The following QTRT1 variants were observed in gnomAD, a reference collection of about 807,000 sequenced individuals.
QTRT1 encodes the protein queuine tRNA-ribosyltransferase catalytic subunit 1, also known as TGT, 43-KD subunit.
Under a neutral mutation model 44.0 loss-of-function variants are expected in QTRT1, and 41 were observed. The observed-to-expected ratio is 0.93, with a 90% confidence interval of 0.73 to 1.21. The LOEUF (loss-of-function observed/expected upper bound fraction) is 1.21, where lower values mean the gene tolerates loss of function less well. Ranked by LOEUF, QTRT1 falls within the 50% of genes most tolerant of loss-of-function variation. QTRT1 has a pLI of 0.00. For missense variants in QTRT1, 542 were observed against 575.8 expected, an observed-to-expected ratio of 0.94 and a Z score of 0.60; for synonymous variants, 226 against 237.1, an observed-to-expected ratio of 0.95 and a Z score of 0.43.
chr19:10,713,352 T>C lies in QTRT1; in HGVS notation c.*82T>C. The C allele has an allele frequency of 6.6e-7, 1 of 1,516,006 alleles. No homozygotes were observed. 93.9% of individuals were successfully genotyped at this position (1,516,006 alleles called of 1,614,324 possible). On this transcript the variant is annotated 3_prime_UTR_variant, in exon 10 of 10. Coordinates refer to ENST00000250237, the MANE Select transcript of QTRT1 (RefSeq NM_031209.3). The surrounding 1 kb of genome is among the most constrained non-coding windows in gnomAD (Gnocchi z 4.3). ...AAGGATTCCTTTTTGAAAGGTTTTT[T>C]TTATTGTAACTTACAGAGTGTGTCT...
chr19:10,707,904 G>T (rs1359078444), intron 5 of QTRT1, among the ~76,000 whole-genome samples: 1 of 151,106 alleles, frequency 6.6e-6, no homozygotes, highest in Non-Finnish European at 1.5e-5. Context: ...TGGGATTATA[G>T]TCATGAGCCA....
chr19:10,710,559 C>G (rs2068734199), intron 5 of QTRT1, among the ~76,000 whole-genome samples: 1 of 152,116 alleles, frequency 6.6e-6, no homozygotes, highest in African/African-American at 2.4e-5. Context: ...TCGTGATCCA[C>G]CTGCCTTGGC....
intron 3 of QTRT1, among the ~76,000 whole-genome samples, chr19:10,705,009 G>T (rs141607973): frequency 1.9e-4 from 29 of 151,032 alleles, no homozygotes; most frequent in African/African-American, 7.1e-4. Context: ...TCTGCTGCCC[G>T]GGTTTAAGCT....
intron 3 of QTRT1, among the ~76,000 whole-genome samples, chr19:10,705,345 TCTC>T (rs1238001871): frequency 1.3e-5 from 2 of 151,928 alleles, no homozygotes; most frequent in Non-Finnish European, 2.9e-5. Flanking sequence ...TTCAAGCACT[TCTC>T]CTGCTGCAGC....
chr19:10,707,413 G>A (rs1225286972), intron 4 of QTRT1, 33 bp downstream of exon 4: 1 of 1,612,118 alleles, frequency 6.2e-7, no homozygotes, highest in African/African-American at 1.3e-5. Flanking sequence ...TGTGGGATAT[G>A]TGGTGGGAGG....
chr19:10,711,701 A>G (rs2068739625), intron 5 of QTRT1: 1 of 184,738 alleles, frequency 5.4e-6, no homozygotes, highest in Non-Finnish European at 1.2e-5. Context: ...ACTTCAAGTG[A>G]TCTGCTTGCC....
chr19:10,703,774 C>T (rs1179268192), intron 3 of QTRT1, among the ~76,000 whole-genome samples: 1 of 151,872 alleles, frequency 6.6e-6, no homozygotes, highest in Non-Finnish European at 1.5e-5. Context: ...CCATCTTGGT[C>T]CCCCAAAGTG....
chr19:10,701,667 CT>C lies in QTRT1; in HGVS notation c.208del (p.Cys70AlafsTer10), dbSNP rs1340478715. On this transcript the variant is annotated frameshift_variant, in exon 1 of 10. Transcript: ENST00000250237. LOFTEE classifies it high-confidence loss of function. ...EQLDALGCRI[C>X]LGNTYHLGLR... ...AGCTGGACGCTCTGGGTTGCCGCAT[CT>C]GCCTGGGCAATACCTACCATCTGGG... 1 of 1,589,802 alleles carries C rather than the reference CT, an allele frequency of 6.3e-7. No individual in the cohort carries two copies. The highest frequency in any genetic ancestry group is 1.3e-5 in the African/African-American group (1 of 74,396).
rs1034444014 is a variant in QTRT1, at chr19:10,712,699, GGGGTGGGGAGAATGAAGCCCT to G, written c.862-53_862-33del. ...ACTAGGGAGGCAAGGTTAGGGGTGG[GGGGTGGGGAGAATGAAGCCCT>G]GGGTGACGCCCCTTTCCCTGCCCTT... is the stretch of plus-strand genomic sequence containing the variant. On this transcript the variant is annotated intron_variant, in intron 7 of 9. Transcript: ENST00000250237. The surrounding 1 kb of genome is among the most constrained non-coding windows in gnomAD (Gnocchi z 5.6). 1.1e-4 allele frequency: 72 copies of G among 645,108 alleles called. No individual in the cohort carries two copies. Among genetic ancestry groups the G allele is most frequent in the African/African-American group, 9.0e-4 (46 of 50,896 alleles). The allele number at this position is 645,108 out of a possible 1,614,324, so 40.0% of individuals were successfully genotyped here.
chr19:10,706,948 G>A, intron 3 of QTRT1: 1 of 271,334 alleles, frequency 3.7e-6, no homozygotes, highest in Non-Finnish European at 7.2e-6. Context: ...GTCCCCAAGT[G>A]CTGGGATTAC....
At chr19:10,706,364 T>C (rs1276325252) in intron 3 of QTRT1, among the ~76,000 whole-genome samples, 1 of 152,024 alleles carries the variant, frequency 6.6e-6, no homozygotes, top group East Asian at 1.9e-4. Flanking sequence ...CTCATGCCTA[T>C]AATCTTAGCA....
rs1195403207 is a variant in QTRT1 at position 10,702,186 on chromosome 19, G to C, written c.383G>C (p.Arg128Pro). 6.2e-7 allele frequency: 1 copy of C among 1,614,102 alleles called. No homozygotes were observed. Among genetic ancestry groups the C allele is most frequent in the African/African-American group, 1.3e-5 (1 of 75,026 alleles). ...SEVTEEGVRF[R>P]SPYDGNETLL... The stretch of plus-strand genomic sequence containing the variant: ...GTGACGGAGGAGGGCGTCCGCTTCC[G>C]CTCCCCCTACGACGGCAATGAGACC... The change falls in exon 3 of 10, where the codon CGC (arginine) becomes CCC (proline). Residue 128 changes from arginine (R) to proline (P), a missense_variant. Physicochemically the swap from Arg to Pro is moderately radical, Grantham distance 103. Transcript: ENST00000250237.
In QTRT1 at chr19:10,712,165, G is replaced by A. The variant is rs373758980; in HGVS notation, c.651G>A (p.Met217Ile). The change falls in exon 6 of 10, where the codon ATG becomes ATA. Residue 217 changes from methionine to isoleucine, a missense_variant. Physicochemically the swap from Met to Ile is conservative, Grantham distance 10. Transcript: ENST00000250237. This position sits in a 1 kb window ranked among gnomAD's most constrained non-coding sequence, Gnocchi z 5.6. ...CACCTTACCCTGTACCCTCAGAGATGACCAAGCGAGACGTGCCTGGCTTCG... is the reference window on the plus strand; with the variant it reads ...CACCTTACCCTGTACCCTCAGAGATAACCAAGCGAGACGTGCCTGGCTTCG... Reference protein sequence around the residue: ...ADLRATCLEEMTKRDVPGFAI... With the variant: ...ADLRATCLEEITKRDVPGFAI... 4.3e-6 allele frequency: 7 copies of A among 1,612,568 alleles called. No individual in the cohort carries two copies. Among genetic ancestry groups the A allele is most frequent in the Non-Finnish European group, 5.9e-6 (7 of 1,180,050 alleles).
At chr19:10,707,186 C>G in intron 3 of QTRT1, 116 bp from the exon 4 acceptor site, 1 of 1,021,322 alleles carries the variant, frequency 9.8e-7, no homozygotes, top group Non-Finnish European at 1.5e-6. Context: ...TGGGAGTTAG[C>G]AAGACGGGGG....
At chr19:10,710,399 C>T (rs1242654728) in intron 5 of QTRT1, among the ~76,000 whole-genome samples, 2 of 151,956 alleles carry the variant, frequency 1.3e-5, no homozygotes, top group African/African-American at 4.8e-5. Context: ...TCACTGCAAC[C>T]TCTGCCTTCT....
Position 10,712,475 on chromosome 19 carries a change from G to C in QTRT1, c.786-78G>C. On this transcript the variant is annotated intron_variant, in intron 6 of 9. Coordinates refer to ENST00000250237, the MANE Select transcript of QTRT1 (RefSeq NM_031209.3). This position sits in a 1 kb window ranked among gnomAD's most constrained non-coding sequence, Gnocchi z 5.6. ...TTCTGAGGGAATATGGCCCAGTCTG[G>C]GGCAGTGTGAGGGTTGGGAGGGGCC... is the stretch of plus-strand genomic sequence containing the variant. 6.7e-7 allele frequency: 1 copy of C among 1,482,440 alleles called. No homozygotes were observed. Among genetic ancestry groups the C allele is most frequent in the Non-Finnish European group, 9.4e-7 (1 of 1,062,558 alleles). The allele number at this position is 1,482,440 out of a possible 1,614,324, so 91.8% of individuals were successfully genotyped here. A position where few individuals can be genotyped will look rare whatever the true frequency, so the allele number is the denominator to read the frequency against.
Position 10,701,678 on chromosome 19 carries a change from A to G in QTRT1, c.218A>G (p.Asn73Ser), listed in dbSNP as rs1432065499. ...DALGCRICLG[N>S]TYHLGLRPGP... Reference sequence around the variant, plus strand: ...CTGGGTTGCCGCATCTGCCTGGGCAATACCTACCATCTGGGTCTAAGGCCG... The same window carrying G: ...CTGGGTTGCCGCATCTGCCTGGGCAGTACCTACCATCTGGGTCTAAGGCCG... Residue 73 changes from asparagine (N) to serine (S), a missense_variant, in exon 1 of 10, where the codon AAT becomes AGT. Transcript: ENST00000250237. 24 of 1,585,866 alleles carry G rather than the reference A, an allele frequency of 1.5e-5. No homozygotes were observed. The highest frequency in any genetic ancestry group is 1.8e-5 in the Non-Finnish European group (21 of 1,167,142).
chr19:10,710,584 G>A (rs570893727), intron 5 of QTRT1, among the ~76,000 whole-genome samples: 106 of 152,036 alleles, frequency 7.0e-4, no homozygotes, highest in African/African-American at 2.5e-3. Flanking sequence ...CAAAGTGCTG[G>A]GATTACAGGC....
chr19:10,708,243 G>A (rs1425423103), intron 5 of QTRT1, among the ~76,000 whole-genome samples: 1 of 151,990 alleles, frequency 6.6e-6, no homozygotes, highest in African/African-American at 2.4e-5. Context: ...GATTACAGGC[G>A]TGAGCCACCG....
Sources: gnomAD v4.1 joint callset for allele counts (sites outside exome capture counted in the v4.1 genomes callset) on GRCh38, gnomAD v4.1.1 for gene constraint, Gnocchi (gnomAD v3.1) non-coding constraint, MANE v1.5 for transcripts, NCBI Gene and HGNC (gene_info 2026-07-23, HGNC 2026-07-21) for gene names.